Variants in ADAM12 observed in about 807,000 individuals in gnomAD.
ADAM12 encodes the protein disintegrin and metalloproteinase domain-containing protein 12.
Under a neutral mutation model 106.4 loss-of-function variants are expected in ADAM12, and 70 were observed. The ratio of observed to expected loss-of-function variants is 0.66; its 90% CI spans 0.54 to 0.80. ADAM12 has a LOEUF of 0.80. ADAM12 is among the 30% of genes least tolerant of loss of function. The probability of loss-of-function intolerance (pLI) is 0.00; values close to 1 mark genes in which losing one functional copy is unlikely to be tolerated. For synonymous variants in ADAM12, 420 were observed against 433.5 expected (o/e 0.97, Z 0.39); for missense variants, 1,010 against 1,171.9 (o/e 0.86, Z 2.02).
chr10:126,112,083 C>G (rs971305035), intron 6 of ADAM12, among the ~76,000 whole-genome samples: 1 of 152,126 alleles, frequency 6.6e-6, no homozygotes, highest in South Asian at 2.1e-4. Flanking sequence ...GGAATGAGAT[C>G]GTGTCCTTTG....
At chr10:126,377,168 A>G (rs2133929556) in intron 1 of ADAM12, among the ~76,000 whole-genome samples, 1 of 152,324 alleles carries the variant, frequency 6.6e-6, no homozygotes, top group Middle Eastern at 3.4e-3. Context: ...CTGATCTGCA[A>G]ACTCCAGCAA....
intron 2 of ADAM12, among the ~76,000 whole-genome samples, chr10:126,279,970 G>A (rs1345071236): frequency 1.3e-5 from 2 of 152,132 alleles, no homozygotes; most frequent in East Asian, 3.8e-4. Context: ...TTGTATGAAC[G>A]CATGAGAATG....
At chr10:126,022,271 G>T (rs1444989883) in intron 21 of ADAM12, among the ~76,000 whole-genome samples, 1 of 152,094 alleles carries the variant, frequency 6.6e-6, no homozygotes, top group Admixed American at 6.6e-5. Context: ...AAATTATATG[G>T]TCACCATAGT....
At chr10:126,035,394 T>C (rs909825197) in intron 21 of ADAM12, among the ~76,000 whole-genome samples, 1 of 152,182 alleles carries the variant, frequency 6.6e-6, no homozygotes, top group Non-Finnish European at 1.5e-5. Flanking sequence ...ACATTTATAT[T>C]CAAGTATAGT....
intron 3 of ADAM12, among the ~76,000 whole-genome samples, chr10:126,189,231 A>G (rs932179247): frequency 6.6e-6 from 1 of 152,208 alleles, no homozygotes; most frequent in Non-Finnish European, 1.5e-5. Context: ...AAAACCGAGC[A>G]AGGTGTTTAG....
At chr10:126,335,489 G>A (rs1463818557) in intron 1 of ADAM12, among the ~76,000 whole-genome samples, 1 of 152,220 alleles carries the variant, frequency 6.6e-6, no homozygotes, top group African/African-American at 2.4e-5. Flanking sequence ...CTAAATATCC[G>A]AGACCTAAAG....
chr10:126,043,001 C>T lies in ADAM12; in HGVS notation c.2104+39G>A. 6.3e-7 allele frequency: 1 copy of T among 1,596,508 alleles called. No homozygotes were observed. The highest frequency in any genetic ancestry group is 8.6e-7 in the Non-Finnish European group (1 of 1,169,418). On this transcript the variant is annotated intron_variant, in intron 18 of 22. Coordinates refer to ENST00000448723, the MANE Select transcript of ADAM12 (RefSeq NM_001288973.2). This position sits in a 1 kb window ranked among gnomAD's most constrained non-coding sequence, Gnocchi z 4.1. ...TGGCGAGCCCACCCGCCCCCAGGTG[C>T]TCAGCCTCCTCCCACCGGGATGCAG...
At chr10:126,377,344 C>T (rs902137895) in intron 1 of ADAM12, among the ~76,000 whole-genome samples, 1 of 152,170 alleles carries the variant, frequency 6.6e-6, no homozygotes, top group Non-Finnish European at 1.5e-5. Context: ...AGCTGAGGAG[C>T]AAGGAAGCCC....
chr10:126,146,806 C>A (rs749210891), intron 4 of ADAM12, among the ~76,000 whole-genome samples: 1 of 152,164 alleles, frequency 6.6e-6, no homozygotes, highest in Non-Finnish European at 1.5e-5. Flanking sequence ...TTCTTACCCC[C>A]ACGCCTCTGG....
At chr10:126,299,227 A>G (rs545910581) in intron 2 of ADAM12, among the ~76,000 whole-genome samples, 2 of 152,344 alleles carry the variant, frequency 1.3e-5, no homozygotes, top group South Asian at 4.1e-4. Flanking sequence ...TTCCAGGAAC[A>G]TATTTTTTAA....
At chr10:126,199,915 T>C (rs924387654) in intron 3 of ADAM12, among the ~76,000 whole-genome samples, 2 of 152,124 alleles carry the variant, frequency 1.3e-5, no homozygotes, top group African/African-American at 4.8e-5. Context: ...GGTCAAATGA[T>C]TGACTAACAA....
intron 21 of ADAM12, among the ~76,000 whole-genome samples, chr10:126,031,213 C>T (rs1953965759): frequency 6.6e-6 from 1 of 152,200 alleles, no homozygotes; most frequent in Non-Finnish European, 1.5e-5. Flanking sequence ...TCTCATAAAA[C>T]TCAGTTTTCT....
intron 3 of ADAM12, among the ~76,000 whole-genome samples, chr10:126,206,158 G>C (rs74740382): frequency 0.059 from 9,041 of 152,204 alleles, 605 homozygotes; most frequent in East Asian, 0.18. Context: ...TTGTTTTGCT[G>C]TTAAGCTTTC....
intron 3 of ADAM12, among the ~76,000 whole-genome samples, chr10:126,160,339 A>T (rs1339059470): frequency 6.6e-6 from 1 of 152,216 alleles, no homozygotes; most frequent in Non-Finnish European, 1.5e-5. Flanking sequence ...TGATATGTCC[A>T]TTTAAATAGC....
intron 2 of ADAM12, among the ~76,000 whole-genome samples, chr10:126,292,154 T>C (rs184753498): frequency 3.2e-3 from 482 of 152,160 alleles, no homozygotes; most frequent in Middle Eastern, 0.014. Flanking sequence ...AATCAGCAGA[T>C]CTCTCCCTGG....
intron 2 of ADAM12, among the ~76,000 whole-genome samples, chr10:126,292,590 C>G (rs1046928919): frequency 6.6e-6 from 1 of 152,202 alleles, no homozygotes; most frequent in Admixed American, 6.5e-5. Context: ...CCTCTTCCTC[C>G]ATCCCATTCA....
At position 126,012,937 on chromosome 10, in the gene ADAM12, T is replaced by G. The variant is rs915137644; in HGVS notation, c.*4342A>C. ...ATTTAAAATGTGCTAAATGGAGGAC[T>G]AAAGAGTTACCTTATAGGAGAATCA... On this transcript the variant is annotated 3_prime_UTR_variant, in exon 23 of 23. Coordinates refer to ENST00000448723, the MANE Select transcript of ADAM12 (RefSeq NM_001288973.2). 10 of 152,352 alleles carry G rather than the reference T, an allele frequency of 6.6e-5. No homozygotes were observed. The highest frequency in any genetic ancestry group is 2.2e-4 in the African/African-American group (9 of 41,582). The allele number at this position is 152,352 out of a possible 1,614,324, so 9.4% of individuals were successfully genotyped here.
chr10:126,140,150 C>T (rs1248051366), intron 4 of ADAM12, among the ~76,000 whole-genome samples: 10 of 152,274 alleles, frequency 6.6e-5, no homozygotes, highest in East Asian at 1.9e-4. Context: ...TGGGTTTTGA[C>T]TGTCACAGAT....
chr10:126,157,611 G>C (rs974710433), intron 3 of ADAM12, among the ~76,000 whole-genome samples: 1 of 152,230 alleles, frequency 6.6e-6, no homozygotes, highest in African/African-American at 2.4e-5. Flanking sequence ...GAGAGAGTGT[G>C]CGGAAAACAT....
Sources: allele counts gnomAD v4.1 joint callset (sites outside exome capture counted in the v4.1 genomes callset), GRCh38; gene constraint gnomAD v4.1.1; non-coding constraint Gnocchi (gnomAD v3.1); transcripts MANE v1.5; gene names NCBI Gene and HGNC (gene_info 2026-07-23, HGNC 2026-07-21).